UNC13C: variants seen among roughly 807,000 people sequenced by gnomAD.
The protein encoded by UNC13C is unc-13 homolog C.
Under a neutral mutation model 245.4 loss-of-function variants are expected in UNC13C, and 174 were observed. That is an observed-to-expected ratio of 0.71 (90% CI 0.63 to 0.80). The LOEUF is 0.80. Among genes scored for constraint, UNC13C ranks in the 30% least tolerant of loss-of-function variants. The probability of loss-of-function intolerance (pLI) is 0.00; values close to 1 mark genes in which losing one functional copy is unlikely to be tolerated. For missense variants in UNC13C, 2,829 were observed against 2,602.9 expected, an observed-to-expected ratio of 1.09 and a Z score of -1.89; for synonymous variants, 992 against 895.1, an observed-to-expected ratio of 1.11 and a Z score of -1.93.
chr15:54,475,671 T>A, intron 19 of UNC13C, among the ~76,000 whole-genome samples: 1 of 148,730 alleles, frequency 6.7e-6, no homozygotes. Context: ...TATTCCATGG[T>A]GTATATGTGC....
chr15:54,393,048 A>T lies in UNC13C; in HGVS notation c.4714A>T (p.Ser1572Cys). 1 of 1,597,606 alleles carries T rather than the reference A, an allele frequency of 6.3e-7. No individual in the cohort carries two copies. The highest frequency in any genetic ancestry group is 8.5e-7 in the Non-Finnish European group (1 of 1,174,230). ...HELYSQLTDP[S>C]KKQDIPREDQ... ...GCATGTTGCGTGAACTTGTGAGCAG[A>T]GTAAGAAACAGGATATTCCTCGTGA... Residue 1572 changes from serine (S) to cysteine (C), a missense_variant and splice_region_variant, in exon 18 of 33, where the codon AGT becomes TGT. Physicochemically the swap from Ser to Cys is moderately radical, Grantham distance 112. Coordinates refer to ENST00000260323, the MANE Select transcript of UNC13C (RefSeq NM_001080534.3).
chr15:54,578,351 T>C (rs1898049995), intron 30 of UNC13C, among the ~76,000 whole-genome samples: 1 of 152,190 alleles, frequency 6.6e-6, no homozygotes, highest in African/African-American at 2.4e-5. Flanking sequence ...TTTATCGCAC[T>C]CACATTTTTA....
chr15:54,209,464 G>A (rs62010021), intron 4 of UNC13C, among the ~76,000 whole-genome samples: 4,896 of 151,862 alleles, frequency 0.032, 142 homozygotes, highest in East Asian at 0.13. Flanking sequence ...CAGGGCTGGA[G>A]TACAGCTGCA....
chr15:54,571,614 G>C (rs561638630), intron 30 of UNC13C, among the ~76,000 whole-genome samples: 2 of 152,262 alleles, frequency 1.3e-5, no homozygotes, highest in Admixed American at 1.3e-4. Context: ...CTTAGATTTT[G>C]TTATATGATT....
chr15:54,605,449 C>G lies in UNC13C; in HGVS notation c.6107-16878C>G, dbSNP rs907759433. Among the ~76,000 whole-genome samples, 11 of 152,164 alleles carry G rather than the reference C, an allele frequency of 7.2e-5. 1 individual carries two copies. Among genetic ancestry groups the G allele is most frequent in the Admixed American group, 7.2e-4 (11 of 15,274 alleles). ...AAGCTTAGAAGCTCTCAAAAATACT[C>G]TTTTGTCTTGCTTTGGAGCCCCCAT... is the stretch of plus-strand genomic sequence containing the variant. On this transcript the variant is annotated intron_variant, in intron 30 of 32. Coordinates refer to ENST00000260323, the MANE Select transcript of UNC13C (RefSeq NM_001080534.3).
chr15:54,608,390 T>G (rs888387741), intron 30 of UNC13C, among the ~76,000 whole-genome samples: 3 of 152,232 alleles, frequency 2.0e-5, no homozygotes, highest in Admixed American at 1.3e-4. Flanking sequence ...GCTAAAATGA[T>G]TGCCCAGAGC....
intron 2 of UNC13C, among the ~76,000 whole-genome samples, chr15:54,041,206 G>A (rs1339417925): frequency 6.6e-6 from 1 of 151,976 alleles, no homozygotes. Flanking sequence ...TCCTGCATTT[G>A]GCTTAGCATA....
At chr15:54,279,993 T>C (rs557823608) in intron 10 of UNC13C, among the ~76,000 whole-genome samples, 1 of 152,284 alleles carries the variant, frequency 6.6e-6, no homozygotes, top group East Asian at 1.9e-4. Flanking sequence ...GAGAAGCAGA[T>C]AGAAGGGTAA....
chr15:54,508,353 A>T (rs1434838094), intron 23 of UNC13C, among the ~76,000 whole-genome samples: 1 of 152,088 alleles, frequency 6.6e-6, no homozygotes, highest in Non-Finnish European at 1.5e-5. Context: ...CCATTCAGAA[A>T]GGCAAATTAG....
At chr15:54,173,355 G>T (rs2033486702) in intron 4 of UNC13C, among the ~76,000 whole-genome samples, 1 of 151,994 alleles carries the variant, frequency 6.6e-6, no homozygotes, top group Non-Finnish European at 1.5e-5. Flanking sequence ...CAAAGAACAT[G>T]TAATGTGTCT....
chr15:54,086,737 CTT>C lies in UNC13C; in HGVS notation c.2984-56264_2984-56263del, dbSNP rs57209912. On this transcript the variant is annotated intron_variant, in intron 2 of 32. Coordinates refer to ENST00000260323, the MANE Select transcript of UNC13C (RefSeq NM_001080534.3). ...GTACTATGTGTTGCTTATTTTCTTT[CTT>C]TTTTTTTTTTTTTTTTGAGATGGAC... is the stretch of plus-strand genomic sequence containing the variant. 2.2e-3 allele frequency among the ~76,000 whole-genome samples: 201 copies of C among 92,026 alleles called. 2 individuals carry two copies. Among genetic ancestry groups the C allele is most frequent in the Non-Finnish European group, 3.3e-3 (155 of 47,056 alleles). The allele number at this position is 92,026 out of a possible 152,430, so 60.4% of individuals were successfully genotyped here. A position where few individuals can be genotyped will look rare whatever the true frequency, so the allele number is the denominator to read the frequency against.
the UNC13C span, among the ~76,000 whole-genome samples, chr15:53,854,994 T>A: frequency 7.3e-4 from 111 of 152,308 alleles, 1 homozygote; most frequent in Non-Finnish European, 5.9e-5. Context: ...GTAGTTCTCC[T>A]TGAAGAGTTC....
At chr15:54,318,720 CT>C (rs2140974790) in intron 13 of UNC13C, among the ~76,000 whole-genome samples, 1 of 151,974 alleles carries the variant, frequency 6.6e-6, no homozygotes, top group South Asian at 2.1e-4. Flanking sequence ...TCTTCACTCT[CT>C]TGAGTTTTTC....
the UNC13C span, among the ~76,000 whole-genome samples, chr15:53,902,245 A>G: frequency 6.6e-6 from 1 of 152,078 alleles, no homozygotes; most frequent in African/African-American, 2.4e-5. Context: ...CTTGTCCTCT[A>G]TGATCCTTTA....
chr15:54,047,832 T>G (rs746570785), intron 2 of UNC13C, among the ~76,000 whole-genome samples: 13 of 152,162 alleles, frequency 8.5e-5, no homozygotes, highest in Non-Finnish European at 1.5e-4. Context: ...ATAACATACA[T>G]TTTTAAATAG....
the UNC13C span, among the ~76,000 whole-genome samples, chr15:53,841,781 A>T: frequency 2.6e-5 from 4 of 152,300 alleles, no homozygotes; most frequent in African/African-American, 7.2e-5. Flanking sequence ...CTTGCCAGAG[A>T]AAGTAAATAA....
intron 4 of UNC13C, among the ~76,000 whole-genome samples, chr15:54,203,745 T>G (rs2034606466): frequency 9.9e-6 from 1 of 101,224 alleles, no homozygotes; most frequent in Admixed American, 9.8e-5. Context: ...TACATATATA[T>G]GTATATATAC....
intron 18 of UNC13C, 137 bp downstream of exon 18, chr15:54,393,318 T>A: frequency 1.3e-6 from 1 of 785,728 alleles, no homozygotes; most frequent in Non-Finnish European, 1.8e-6. Context: ...TTTTTCAACT[T>A]TTATCAGTAA....
chr15:53,976,473 C>CT (rs1164175117), upstream of UNC13C, among the ~76,000 whole-genome samples: 4 of 27,522 alleles, frequency 1.5e-4, no homozygotes, highest in Non-Finnish European at 5.0e-4. Context: ...CTCTCTCTCT[C>CT]TCTCTTTTTT....
Sources: allele counts gnomAD v4.1 joint callset (sites outside exome capture counted in the v4.1 genomes callset), GRCh38; gene constraint gnomAD v4.1.1; transcripts MANE v1.5; gene names NCBI Gene and HGNC (gene_info 2026-07-23, HGNC 2026-07-21).